The following CNTNAP2 variants were observed in gnomAD, a reference collection of about 807,000 sequenced individuals.
CNTNAP2 encodes the protein contactin associated protein 2, also known as contactin-associated protein-like 2.
In CNTNAP2, 98 loss-of-function variants were observed where a neutral mutation model predicts 155.2. That is an observed-to-expected ratio of 0.63 (90% confidence interval 0.54 to 0.75). The LOEUF (loss-of-function observed/expected upper bound fraction) is 0.75. Among genes scored for constraint, CNTNAP2 ranks in the 30% least tolerant of loss-of-function variants. CNTNAP2 has a pLI of 0.00. For synonymous variants in CNTNAP2, 651 were observed against 631.2 expected (o/e 1.03, Z -0.47); for missense variants, 1,727 against 1,688.1 (o/e 1.02, Z -0.40).
intron 1 of CNTNAP2, among the ~76,000 whole-genome samples, chr7:146,211,051 A>G (rs1176150774): frequency 1.3e-5 from 2 of 152,056 alleles, no homozygotes; most frequent in Admixed American, 6.6e-5. Flanking sequence ...GCAAATTTTT[A>G]TGTGTTGACT....
chr7:146,709,489 G>C (rs543044112), intron 1 of CNTNAP2, among the ~76,000 whole-genome samples: 1 of 152,256 alleles, frequency 6.6e-6, no homozygotes, highest in African/African-American at 2.4e-5. Flanking sequence ...TCTGAGAATG[G>C]GCCAGTTCTG....
At chr7:146,685,947 A>G (rs756804282) in intron 1 of CNTNAP2, among the ~76,000 whole-genome samples, 38 of 152,222 alleles carry the variant, frequency 2.5e-4, no homozygotes, top group Admixed American at 1.2e-3. Context: ...TGGTTCTTCT[A>G]CTTTGTTTAA....
chr7:146,877,867 T>C (rs1795461683), intron 3 of CNTNAP2, among the ~76,000 whole-genome samples: 1 of 152,080 alleles, frequency 6.6e-6, no homozygotes, highest in Non-Finnish European at 1.5e-5. Flanking sequence ...AACTATGAAT[T>C]ATTTTCACTA....
At chr7:147,183,433 A>G (rs73473017) in intron 8 of CNTNAP2, among the ~76,000 whole-genome samples, 9,204 of 152,232 alleles carry the variant, frequency 0.06, 914 homozygotes, top group African/African-American at 0.21. Flanking sequence ...TCAGACTTGG[A>G]GGAGTCCTTT....
At chr7:147,278,794 C>A (rs890827100) in intron 8 of CNTNAP2, among the ~76,000 whole-genome samples, 3 of 151,192 alleles carry the variant, frequency 2.0e-5, no homozygotes, top group Non-Finnish European at 4.4e-5. Context: ...TTATTTCAGT[C>A]TTTTCGTATA....
chr7:146,302,643 G>A (rs1486138354), intron 1 of CNTNAP2, among the ~76,000 whole-genome samples: 3 of 152,022 alleles, frequency 2.0e-5, no homozygotes, highest in Non-Finnish European at 4.4e-5. Context: ...GTTAGAGGCC[G>A]AACTCTTAAA....
At chr7:148,195,038 C>T (rs1795254541) in intron 18 of CNTNAP2, among the ~76,000 whole-genome samples, 1 of 152,182 alleles carries the variant, frequency 6.6e-6, no homozygotes, top group African/African-American at 2.4e-5. Context: ...TCAGTCAACA[C>T]CCAAATGATT....
intron 13 of CNTNAP2, among the ~76,000 whole-genome samples, chr7:147,788,209 C>T (rs566644058): frequency 5.9e-5 from 9 of 152,202 alleles, no homozygotes; most frequent in Non-Finnish European, 1.2e-4. Context: ...TTTTAAACAT[C>T]TACTGGAGTA....
At chr7:146,518,623 T>A (rs1191685391) in intron 1 of CNTNAP2, among the ~76,000 whole-genome samples, 1 of 151,854 alleles carries the variant, frequency 6.6e-6, no homozygotes, top group Non-Finnish European at 1.5e-5. Flanking sequence ...AAAAAATTTT[T>A]ATGTCCCTAA....
intron 12 of CNTNAP2, among the ~76,000 whole-genome samples, chr7:147,562,483 A>C (rs1800083288): frequency 6.6e-6 from 1 of 152,184 alleles, no homozygotes; most frequent in Non-Finnish European, 1.5e-5. Context: ...ACAATTAAGC[A>C]TCATTTTTTT....
At chr7:146,540,515 A>T (rs1797934535) in intron 1 of CNTNAP2, among the ~76,000 whole-genome samples, 1 of 152,112 alleles carries the variant, frequency 6.6e-6, no homozygotes, top group Non-Finnish European at 1.5e-5. Flanking sequence ...TCCAATAAAA[A>T]GGCTATGCAA....
rs553320055 is a variant in CNTNAP2, at chr7:146,993,764, TA to T, written c.403-50140del. 1.9e-4 allele frequency among the ~76,000 whole-genome samples: 29 copies of T among 152,286 alleles called. 1 individual carries two copies. In the Middle Eastern group the frequency reaches 0.014, roughly 71 times the overall value. On this transcript the variant is annotated intron_variant, in intron 3 of 23. Coordinates refer to ENST00000361727, the MANE Select transcript of CNTNAP2 (RefSeq NM_014141.6). ...ATGTACAGCTTTTTTAATACCTTATTAAAGTGGTGTAAAAATAGTCGTGCTA... is the reference window on the plus strand; with the variant it reads ...ATGTACAGCTTTTTTAATACCTTATTAAGTGGTGTAAAAATAGTCGTGCTA...
chr7:146,966,617 T>C (rs192414936), intron 3 of CNTNAP2, among the ~76,000 whole-genome samples: 1 of 152,216 alleles, frequency 6.6e-6, no homozygotes, highest in Non-Finnish European at 1.5e-5. Context: ...CAAATGATTC[T>C]TAGGTTCCTG....
At chr7:146,389,212 G>T (rs1000730650) in intron 1 of CNTNAP2, among the ~76,000 whole-genome samples, 2 of 133,360 alleles carry the variant, frequency 1.5e-5, no homozygotes, top group Admixed American at 1.5e-4. Flanking sequence ...GGAGCAAATT[G>T]TAGGAAATAG....
intron 8 of CNTNAP2, among the ~76,000 whole-genome samples, chr7:147,198,232 C>CTGTTTTTT (rs1802844862): frequency 4.4e-5 from 5 of 113,098 alleles, no homozygotes; most frequent in Non-Finnish European, 8.7e-5. Context: ...TTCCAATATC[C>CTGTTTTTT]TTTTTTTTTT....
At chr7:147,960,044 A>G (rs994663912) in intron 14 of CNTNAP2, among the ~76,000 whole-genome samples, 1 of 152,130 alleles carries the variant, frequency 6.6e-6, no homozygotes, top group African/African-American at 2.4e-5. Flanking sequence ...GGCTCAGAGA[A>G]CTGATGACTA....
intron 1 of CNTNAP2, among the ~76,000 whole-genome samples, chr7:146,415,398 A>G: frequency 6.6e-6 from 1 of 152,218 alleles, no homozygotes; most frequent in East Asian, 1.9e-4. Flanking sequence ...TTAATTTCAA[A>G]CACATTGTGT....
At chr7:146,904,636 T>A (rs1006717355) in intron 3 of CNTNAP2, among the ~76,000 whole-genome samples, 1 of 152,104 alleles carries the variant, frequency 6.6e-6, no homozygotes, top group African/African-American at 2.4e-5. Flanking sequence ...CACGCCTGGC[T>A]AATTTTTTGT....
Position 146,491,738 on chromosome 7 carries a change from T to C in CNTNAP2, c.98-282533T>C, listed in dbSNP as rs1563105043. ...AGATGAAACTAATGTCTCATATCTG[T>C]GGATACAAAAGAAGTAAAGAAAATA... On this transcript the variant is annotated intron_variant, in intron 1 of 23. Transcript: ENST00000361727. Among the ~76,000 whole-genome samples, 4 of 152,198 alleles carry C rather than the reference T, an allele frequency of 2.6e-5. 1 individual carries two copies. The South Asian group carries it at 8.3e-4, about 31-fold the overall frequency.
Sources: allele counts gnomAD v4.1 joint callset (sites outside exome capture counted in the v4.1 genomes callset), GRCh38; gene constraint gnomAD v4.1.1; transcripts MANE v1.5; gene names NCBI Gene and HGNC (gene_info 2026-07-23, HGNC 2026-07-21).